Variants in TLL1 observed in about 807,000 individuals in gnomAD.
TLL1 encodes the protein tolloid like 1, also known as tolloid-like protein 1.
TLL1 carries 49 observed loss-of-function variants against 128.2 expected under a neutral mutation model. The ratio of observed to expected loss-of-function variants is 0.38; its 90% confidence interval spans 0.30 to 0.48. The LOEUF is 0.48. TLL1 is among the 20% of genes least tolerant of loss of function. The pLI, the probability that TLL1 is intolerant of heterozygous loss-of-function variation, is 0.96. For synonymous variants in TLL1, 454 were observed against 418.8 expected (o/e 1.08, Z -1.03); for missense variants, 1,123 against 1,242.0 (o/e 0.90, Z 1.44).
chr4:165,890,361 C>G (rs1367877962), intron 1 of TLL1, among the ~76,000 whole-genome samples: 2 of 152,206 alleles, frequency 1.3e-5, no homozygotes, highest in Admixed American at 1.3e-4. Flanking sequence ...AGTCTTAACT[C>G]ATTCCATCAT....
intron 1 of TLL1, among the ~76,000 whole-genome samples, chr4:165,956,217 C>T (rs1035206965): frequency 5.9e-5 from 9 of 152,016 alleles, no homozygotes; most frequent in African/African-American, 1.4e-4. Context: ...CAGTGGTGCA[C>T]GTATTGTCTT....
intron 1 of TLL1, among the ~76,000 whole-genome samples, chr4:165,965,818 C>T (rs1006132218): frequency 6.6e-6 from 1 of 152,108 alleles, no homozygotes; most frequent in Non-Finnish European, 1.5e-5. Flanking sequence ...TGCTCACTTA[C>T]CTGAAATTCT....
chr4:165,881,280 A>T (rs946356071), intron 1 of TLL1, among the ~76,000 whole-genome samples: 8 of 152,206 alleles, frequency 5.3e-5, no homozygotes, highest in Non-Finnish European at 1.2e-4. Context: ...CATGGCTCAC[A>T]TCATAACATA....
intron 14 of TLL1, among the ~76,000 whole-genome samples, chr4:166,058,140 C>T (rs1259049214): frequency 6.6e-6 from 1 of 152,010 alleles, no homozygotes; most frequent in African/African-American, 2.4e-5. Flanking sequence ...ATCCTACCAT[C>T]ATTCATTCAT....
chr4:165,953,598 C>T (rs1282875873), intron 1 of TLL1, among the ~76,000 whole-genome samples: 1 of 144,724 alleles, frequency 6.9e-6, no homozygotes, highest in African/African-American at 2.6e-5. Context: ...AAGGAAACAC[C>T]TTCGAGATAG....
chr4:165,894,669 G>T (rs978044509), intron 1 of TLL1, among the ~76,000 whole-genome samples: 3 of 152,160 alleles, frequency 2.0e-5, no homozygotes, highest in Non-Finnish European at 4.4e-5. Flanking sequence ...TGTGAGAGCA[G>T]ACATTCGTAT....
chr4:166,078,360 G>A (rs1367754036), intron 18 of TLL1, among the ~76,000 whole-genome samples: 2 of 152,104 alleles, frequency 1.3e-5, no homozygotes, highest in Admixed American at 6.6e-5. Flanking sequence ...CAAAAAAATC[G>A]GAATTTGCCA....
At chr4:165,975,676 A>G (rs141758821) in intron 1 of TLL1, among the ~76,000 whole-genome samples, 10 of 152,278 alleles carry the variant, frequency 6.6e-5, no homozygotes, top group East Asian at 5.8e-4. Flanking sequence ...CTTTGACTTG[A>G]TAAAGTAACT....
At chr4:165,931,608 A>G (rs1733525083) in intron 1 of TLL1, among the ~76,000 whole-genome samples, 1 of 151,822 alleles carries the variant, frequency 6.6e-6, no homozygotes, top group Non-Finnish European at 1.5e-5. Context: ...AGTCCCAGCT[A>G]CTTGGGAGGC....
intron 7 of TLL1, 38 bp downstream of exon 7, chr4:166,008,086 C>T (rs1737519884): frequency 6.7e-7 from 1 of 1,483,048 alleles, no homozygotes. Context: ...CTTTTAATTC[C>T]TTTCCTCCAT....
chr4:165,963,302 C>G lies in TLL1; in HGVS notation c.170-26079C>G, dbSNP rs146746471. On this transcript the variant is annotated intron_variant, in intron 1 of 20. Transcript: ENST00000061240. The stretch of plus-strand genomic sequence containing the variant: ...TTATAACAAACCTGCACATGTACCC[C>G]CATCCCCCAGCCAGAATCTAAAATA... Among the ~76,000 whole-genome samples the G allele has an allele frequency of 2.0e-3, 302 of 152,008 alleles. 1 individual carries two copies. The highest frequency in any genetic ancestry group is 6.8e-3 in the Middle Eastern group (2 of 294).
intron 16 of TLL1, among the ~76,000 whole-genome samples, chr4:166,071,667 CAG>C (rs1289849805): frequency 2.6e-5 from 4 of 151,892 alleles, no homozygotes; most frequent in Non-Finnish European, 4.4e-5. Context: ...TTCTTGAAAA[CAG>C]AGTTTTTGTC....
chr4:166,062,161 A>G (rs968543115), intron 15 of TLL1, among the ~76,000 whole-genome samples: 2 of 152,176 alleles, frequency 1.3e-5, no homozygotes, highest in Admixed American at 1.3e-4. Flanking sequence ...TGATGCCTCC[A>G]GCTTTGTTCT....
At chr4:166,083,349 CTAAT>C (rs1297343240) in intron 18 of TLL1, among the ~76,000 whole-genome samples, 1 of 122,956 alleles carries the variant, frequency 8.1e-6, no homozygotes, top group East Asian at 2.7e-4. Flanking sequence ...CTAAATTTAG[CTAAT>C]TAATATATGT....
chr4:166,009,299 C>T (rs1415666382), intron 7 of TLL1, among the ~76,000 whole-genome samples: 1 of 151,466 alleles, frequency 6.6e-6, no homozygotes, highest in East Asian at 1.9e-4. Flanking sequence ...TGCCTCTCTT[C>T]TGCTACTGAG....
intron 16 of TLL1, among the ~76,000 whole-genome samples, chr4:166,069,879 A>C (rs938210906): frequency 1.3e-5 from 2 of 151,838 alleles, no homozygotes; most frequent in Non-Finnish European, 1.5e-5. Context: ...CTCTATAAAA[A>C]TCAGTGTAAT....
intron 19 of TLL1, among the ~76,000 whole-genome samples, chr4:166,091,803 C>T (rs1365765154): frequency 1.3e-5 from 2 of 151,898 alleles, no homozygotes; most frequent in Non-Finnish European, 2.9e-5. Context: ...TTGACAGAGC[C>T]TCTATTTTTC....
chr4:166,042,783 T>A (rs1434836781), intron 11 of TLL1, among the ~76,000 whole-genome samples: 2 of 152,198 alleles, frequency 1.3e-5, no homozygotes, highest in Non-Finnish European at 2.9e-5. Flanking sequence ...GGAAGCATTT[T>A]GTTTTAAGGA....
intron 1 of TLL1, among the ~76,000 whole-genome samples, chr4:165,920,333 C>G (rs553119944): frequency 4.5e-4 from 68 of 152,262 alleles, no homozygotes; most frequent in African/African-American, 1.5e-3. Context: ...ACATTTATAA[C>G]TTTGAGAATA....
Sources: allele counts gnomAD v4.1 joint callset (sites outside exome capture counted in the v4.1 genomes callset), GRCh38; gene constraint gnomAD v4.1.1; transcripts MANE v1.5; gene names NCBI Gene and HGNC (gene_info 2026-07-23, HGNC 2026-07-21).